The following NCKAP5 variants were observed in gnomAD, a reference collection of about 807,000 sequenced individuals.
NCKAP5 encodes the protein nck-associated protein 5.
Under a neutral mutation model 167.0 loss-of-function variants are expected in NCKAP5, and 92 were observed. That is an observed-to-expected ratio of 0.55 (90% CI 0.47 to 0.66). The LOEUF (loss-of-function observed/expected upper bound fraction) is 0.66. Among genes scored for constraint, NCKAP5 ranks in the 30% least tolerant of loss-of-function variants. NCKAP5 has a pLI of 0.00. For synonymous variants in NCKAP5, 891 were observed against 877.4 expected, an observed-to-expected ratio of 1.02 and a Z score of -0.27; for missense variants, 2,378 against 2,315.0, an observed-to-expected ratio of 1.03 and a Z score of -0.56.
At chr2:132,877,834 A>G (rs1691400666) in intron 9 of NCKAP5, among the ~76,000 whole-genome samples, 1 of 152,162 alleles carries the variant, frequency 6.6e-6, no homozygotes. Context: ...CCTCATGGAT[A>G]GTAGGGAGAA....
At chr2:133,401,294 T>C (rs774750907) in intron 3 of NCKAP5, among the ~76,000 whole-genome samples, 1 of 152,228 alleles carries the variant, frequency 6.6e-6, no homozygotes, top group African/African-American at 2.4e-5. Flanking sequence ...ATCTTTTCCA[T>C]TTGGCTGTTT....
intron 4 of NCKAP5, among the ~76,000 whole-genome samples, chr2:133,291,147 C>T (rs1574618819): frequency 6.6e-6 from 1 of 152,160 alleles, no homozygotes; most frequent in Non-Finnish European, 1.5e-5. Flanking sequence ...TGTCTCTATG[C>T]TTTCAAGATG....
the NCKAP5 span, among the ~76,000 whole-genome samples, chr2:133,662,306 A>T: frequency 6.6e-6 from 1 of 152,048 alleles, no homozygotes; most frequent in Non-Finnish European, 1.5e-5. Flanking sequence ...ATATCTTTTT[A>T]TCGTTTGCCC....
At chr2:133,606,199 A>G in the NCKAP5 span, among the ~76,000 whole-genome samples, 5 of 152,172 alleles carry the variant, frequency 3.3e-5, no homozygotes, top group Admixed American at 1.3e-4. Context: ...GTCTAGTAAT[A>G]TGCTCTATGA....
chr2:133,253,638 A>C (rs2088467021), intron 4 of NCKAP5, among the ~76,000 whole-genome samples: 1 of 152,142 alleles, frequency 6.6e-6, no homozygotes, highest in South Asian at 2.1e-4. Context: ...GTAGAGCTTG[A>C]GTTCTGCCTT....
chr2:133,030,045 T>A (rs2078831648), intron 6 of NCKAP5, among the ~76,000 whole-genome samples: 2 of 152,210 alleles, frequency 1.3e-5, no homozygotes, highest in African/African-American at 4.8e-5. Context: ...AAGCTGTTGG[T>A]CAAAACCCCC....
chr2:133,051,009 G>A (rs978316090), intron 6 of NCKAP5, among the ~76,000 whole-genome samples: 1 of 152,098 alleles, frequency 6.6e-6, no homozygotes, highest in Admixed American at 6.6e-5. Flanking sequence ...GAGAACTTTA[G>A]GAATTTGAAT....
chr2:133,672,219 A>C, the NCKAP5 span, among the ~76,000 whole-genome samples: 6 of 151,932 alleles, frequency 3.9e-5, no homozygotes, highest in Non-Finnish European at 8.8e-5. Flanking sequence ...CAAAGGCCCA[A>C]AGATGGGGAA....
chr2:132,795,164 A>G lies in NCKAP5; in HGVS notation c.909+1464T>C, dbSNP rs75892662. Among the ~76,000 whole-genome samples, 308 of 152,316 alleles carry G rather than the reference A, an allele frequency of 2.0e-3. 8 individuals are homozygous for G. The East Asian group carries it at 0.056, about 28-fold the overall frequency. On this transcript the variant is annotated intron_variant, in intron 12 of 19. Transcript: ENST00000409261. ...TTTAATACCTTGCCCAAGTTGCCCT[A>G]TCAATATAACATTCTGATGCCCGGC...
chr2:132,813,699 A>T (rs1014530425), intron 11 of NCKAP5, among the ~76,000 whole-genome samples: 2 of 152,244 alleles, frequency 1.3e-5, no homozygotes, highest in East Asian at 3.8e-4. Flanking sequence ...ATGAGGAGAC[A>T]TTAAAATCAA....
Position 133,256,398 on chromosome 2 carries a change from C to T in NCKAP5, c.144-42619G>A, listed in dbSNP as rs61346498. Among the ~76,000 whole-genome samples the T allele has an allele frequency of 3.7e-3, 559 of 152,090 alleles. 13 individuals carry two copies. In the South Asian group the frequency reaches 0.056, roughly 15 times the overall value. ...TAACCACTGTAGAGTGATTATGGCT[C>T]ATTTGGCATATGTTTATTCCAATCT... On this transcript the variant is annotated intron_variant, in intron 4 of 19. Transcript: ENST00000409261.
At chr2:133,400,892 C>A (rs1389814414) in intron 3 of NCKAP5, among the ~76,000 whole-genome samples, 1 of 152,118 alleles carries the variant, frequency 6.6e-6, no homozygotes, top group Non-Finnish European at 1.5e-5. Context: ...GCTTCTGAAG[C>A]TTCTGAACCC....
intron 5 of NCKAP5, among the ~76,000 whole-genome samples, chr2:133,201,202 T>C (rs1355854386): frequency 3.3e-5 from 5 of 152,128 alleles, no homozygotes; most frequent in African/African-American, 4.8e-5. Context: ...CTGCTGGACA[T>C]AAGAATGACT....
At chr2:133,101,079 A>G (rs1008580943) in intron 6 of NCKAP5, among the ~76,000 whole-genome samples, 3 of 151,344 alleles carry the variant, frequency 2.0e-5, no homozygotes, top group African/African-American at 4.9e-5. Flanking sequence ...TGATTTTTGT[A>G]TAAGGTGTAA....
chr2:133,206,709 G>T (rs2085967339), intron 5 of NCKAP5, among the ~76,000 whole-genome samples: 1 of 152,142 alleles, frequency 6.6e-6, no homozygotes, highest in Admixed American at 6.5e-5. Flanking sequence ...TGCAGGGTCA[G>T]GCAGAATACA....
intron 6 of NCKAP5, among the ~76,000 whole-genome samples, chr2:132,999,813 C>T (rs948938386): frequency 2.0e-5 from 3 of 152,046 alleles, no homozygotes; most frequent in Non-Finnish European, 4.4e-5. Flanking sequence ...AATTATTACA[C>T]CAAATTGTTC....
intron 8 of NCKAP5, among the ~76,000 whole-genome samples, chr2:132,881,183 A>AT (rs1190495128): frequency 1.3e-5 from 2 of 151,432 alleles, no homozygotes; most frequent in Admixed American, 6.6e-5. Context: ...TTATTTATTT[A>AT]TTTTTTTTGA....
chr2:133,407,479 C>T (rs892103784), intron 3 of NCKAP5, among the ~76,000 whole-genome samples: 8 of 152,124 alleles, frequency 5.3e-5, no homozygotes, highest in East Asian at 1.9e-4. Flanking sequence ...GACAGGAGGA[C>T]GGGTGGGTTG....
At chr2:133,360,039 A>G (rs970237258) in intron 3 of NCKAP5, among the ~76,000 whole-genome samples, 2 of 152,124 alleles carry the variant, frequency 1.3e-5, no homozygotes, top group African/African-American at 4.8e-5. Flanking sequence ...ATGATTTTAT[A>G]CCTCTCTTGT....
Sources: gnomAD v4.1 joint callset for allele counts (sites outside exome capture counted in the v4.1 genomes callset) on GRCh38, gnomAD v4.1.1 for gene constraint, MANE v1.5 for transcripts, NCBI Gene and HGNC (gene_info 2026-07-23, HGNC 2026-07-21) for gene names.